The following PCDHGA10 variants were observed in gnomAD, a reference collection of about 807,000 sequenced individuals.
PCDHGA10 encodes protocadherin gamma-A10.
Under a neutral mutation model 59.5 loss-of-function variants are expected in PCDHGA10, and 42 were observed. The observed-to-expected ratio is 0.71, with a 90% CI of 0.55 to 0.91. The LOEUF (loss-of-function observed/expected upper bound fraction) is 0.91, where lower values mean the gene tolerates loss of function less well. Ranked by LOEUF, PCDHGA10 falls within the 40% of genes least tolerant of loss-of-function variation. The pLI is 0.00. For missense variants in PCDHGA10, 1,111 were observed against 1,198.2 expected (o/e 0.93, Z 1.07); for synonymous variants, 511 against 517.2 (o/e 0.99, Z 0.16).
chr5:141,463,574 G>A (rs942457606), intron 1 of PCDHGA10, among the ~76,000 whole-genome samples: 1 of 146,978 alleles, frequency 6.8e-6, no homozygotes, highest in Non-Finnish European at 1.5e-5. Flanking sequence ...TCAGCCTCCC[G>A]AGTAGCTGGG....
chr5:141,459,028 C>T (rs373532898), intron 1 of PCDHGA10, among the ~76,000 whole-genome samples: 1 of 152,202 alleles, frequency 6.6e-6, no homozygotes, highest in Non-Finnish European at 1.5e-5. Context: ...CCACCACATC[C>T]AGCCTTACCA....
intron 1 of PCDHGA10, among the ~76,000 whole-genome samples, chr5:141,458,821 C>T (rs1220034390): frequency 6.6e-6 from 1 of 152,146 alleles, no homozygotes; most frequent in Non-Finnish European, 1.5e-5. Flanking sequence ...CAACCTCTGC[C>T]TCCCAGGCTC....
At position 141,476,668 on chromosome 5, in the gene PCDHGA10, G is replaced by A; in HGVS notation, c.2437-18139G>A. The A allele has an allele frequency of 6.2e-7, 1 of 1,614,262 alleles. No individual in the cohort carries two copies. Among genetic ancestry groups the A allele is most frequent in the Non-Finnish European group, 8.5e-7 (1 of 1,180,054 alleles). On this transcript the variant is annotated intron_variant, in intron 1 of 3. Transcript: ENST00000398610. This position sits in a 1 kb window ranked among gnomAD's most constrained non-coding sequence, Gnocchi z 7.6. ...GAAATGAATACTTTGCGCTTCGCGT[G>A]CAGACGCGGGAGGACAGCACCAAGT...
At chr5:141,427,450 CT>C in intron 1 of PCDHGA10, 1 of 486,442 alleles carries the variant, frequency 2.1e-6, no homozygotes, top group South Asian at 1.5e-5. Flanking sequence ...GAAAGAGTTC[CT>C]TTTAGAATCG....
chr5:141,486,688 C>G lies in PCDHGA10; in HGVS notation c.2437-8119C>G, dbSNP rs748605515. On this transcript the variant is annotated intron_variant, in intron 1 of 3. Coordinates refer to ENST00000398610, the MANE Select transcript of PCDHGA10 (RefSeq NM_018913.3). This position sits in a 1 kb window ranked among gnomAD's most constrained non-coding sequence, Gnocchi z 5.0. ...CCAGGAATCGAGATGTATCAGCTTCCTCTTTCATCTCTCTGAACCCCCAGA... is the reference window on the plus strand; with the variant it reads ...CCAGGAATCGAGATGTATCAGCTTCGTCTTTCATCTCTCTGAACCCCCAGA... The G allele has an allele frequency of 1.2e-6, 2 of 1,614,170 alleles. No homozygotes were observed. The highest frequency in any genetic ancestry group is 8.5e-7 in the Non-Finnish European group (1 of 1,180,044).
In PCDHGA10 at chr5:141,432,272, G is replaced by A. The variant is rs772255343; in HGVS notation, c.2436+16661G>A. On this transcript the variant is annotated intron_variant, in intron 1 of 3. Transcript: ENST00000398610. The surrounding 1 kb of genome is among the most constrained non-coding windows in gnomAD (Gnocchi z 6.0). ...CCAAGGGGCAAGCCTATCGTCCTAC[G>A]TGTCCATCAACTCCGACACTGGGGT... 1 of 1,614,210 alleles carries A rather than the reference G, an allele frequency of 6.2e-7. No individual in the cohort carries two copies. Among genetic ancestry groups the A allele is most frequent in the South Asian group, 1.1e-5 (1 of 91,086 alleles).
chr5:141,462,552 T>A (rs966816379), intron 1 of PCDHGA10, among the ~76,000 whole-genome samples: 1 of 152,194 alleles, frequency 6.6e-6, no homozygotes, highest in Non-Finnish European at 1.5e-5. Context: ...TCTTCTTCAG[T>A]GTTTACTGTA....
At chr5:141,460,122 G>A (rs530307574) in intron 1 of PCDHGA10, among the ~76,000 whole-genome samples, 2 of 151,928 alleles carry the variant, frequency 1.3e-5, no homozygotes, top group African/African-American at 4.8e-5. Flanking sequence ...TTTTATATAT[G>A]TAATATATAT....
Position 141,415,499 on chromosome 5 carries a change from C to G in PCDHGA10, c.2324C>G (p.Pro775Arg), listed in dbSNP as rs2095876120. The change falls in exon 1 of 4, where the codon CCC (proline) becomes CGC (arginine). Residue 775 changes from proline to arginine, a missense_variant. Physicochemically the swap from Pro to Arg is moderately radical, Grantham distance 103. Transcript: ENST00000398610. ...TCGCGAAAGAGTCACCTGATCTTCCCCCAGCCCAATTATGCGGACACGCTC... is the reference window on the plus strand; with the variant it reads ...TCGCGAAAGAGTCACCTGATCTTCCGCCAGCCCAATTATGCGGACACGCTC... ...ADSRKSHLIF[P>R]QPNYADTLIS... 6.2e-7 allele frequency: 1 copy of G among 1,614,098 alleles called. No homozygotes were observed. The highest frequency in any genetic ancestry group is 8.5e-7 in the Non-Finnish European group (1 of 1,180,048).
chr5:141,494,759 C>A (rs776923097), intron 1 of PCDHGA10, 48 bp from the exon 2 acceptor site: 3 of 1,613,886 alleles, frequency 1.9e-6, no homozygotes, highest in Non-Finnish European at 2.5e-6. Context: ...GGGTGACATT[C>A]TAACTTCTCA....
Position 141,486,682 on chromosome 5 carries a change from A to C in PCDHGA10, c.2437-8125A>C, listed in dbSNP as rs781547951. 1.4e-5 allele frequency: 22 copies of C among 1,614,064 alleles called. No individual in the cohort carries two copies. The African/African-American group carries it at 2.3e-4, about 17-fold the overall frequency. ...TGGAGCCCAGGAATCGAGATGTATC[A>C]GCTTCCTCTTTCATCTCTCTGAACC... On this transcript the variant is annotated intron_variant, in intron 1 of 3. Coordinates refer to ENST00000398610, the MANE Select transcript of PCDHGA10 (RefSeq NM_018913.3). The surrounding 1 kb of genome is among the most constrained non-coding windows in gnomAD (Gnocchi z 5.0).
rs1484954022 is a variant in PCDHGA10 at position 141,511,920 on chromosome 5, T to C, written c.*747T>C. 1 of 156,200 alleles carries C rather than the reference T, an allele frequency of 6.4e-6. No individual in the cohort carries two copies. Among genetic ancestry groups the C allele is most frequent in the Non-Finnish European group, 1.4e-5 (1 of 70,262 alleles). The allele number at this position is 156,200 out of a possible 1,614,324, so 9.7% of individuals were successfully genotyped here. The stretch of plus-strand genomic sequence containing the variant: ...CTCCTCCTCAAACAAGAGACTCCAC[T>C]GCATGTTCCAAGACAGTATGGGGTG... On this transcript the variant is annotated 3_prime_UTR_variant, in exon 4 of 4. Coordinates refer to ENST00000398610, the MANE Select transcript of PCDHGA10 (RefSeq NM_018913.3).
intron 1 of PCDHGA10, among the ~76,000 whole-genome samples, chr5:141,461,390 C>T (rs1220034894): frequency 2.0e-5 from 3 of 152,080 alleles, no homozygotes; most frequent in East Asian, 3.9e-4. Context: ...TGATGATTAG[C>T]GATGTTGAGC....
rs2233613 is a variant in PCDHGA10 at position 141,511,203 on chromosome 5, G to A, written c.*30G>A. 0.14 allele frequency: 222,603 copies of A among 1,611,360 alleles called. 15,640 individuals carry two copies. The highest frequency in any genetic ancestry group is 0.18 in the Admixed American group (10,873 of 59,374). ...GAGGCCAGGCCAAGAGCCACAGGGC[G>A]GCCTCTCCCCAACCAGCCCAGCTTC... On this transcript the variant is annotated 3_prime_UTR_variant, in exon 4 of 4. Transcript: ENST00000398610.
At chr5:141,472,807 G>T (rs573078292) in intron 1 of PCDHGA10, among the ~76,000 whole-genome samples, 43 of 151,782 alleles carry the variant, frequency 2.8e-4, no homozygotes, top group African/African-American at 1.0e-3. Flanking sequence ...CCAACATGGA[G>T]AAACCCCCGT....
At chr5:141,492,382 T>C (rs71583650) in intron 1 of PCDHGA10, among the ~76,000 whole-genome samples, 2,103 of 152,322 alleles carry the variant, frequency 0.014, 36 homozygotes, top group African/African-American at 0.031. Flanking sequence ...ACAGGCCTGT[T>C]CCGGTCCACT....
intron 1 of PCDHGA10, among the ~76,000 whole-genome samples, chr5:141,488,348 C>G (rs1231687770): frequency 3.2e-4 from 49 of 152,106 alleles, no homozygotes; most frequent in Admixed American, 3.2e-3. Context: ...TAGAAACAGC[C>G]ACCCTGTGCA....
At position 141,490,356 on chromosome 5, in the gene PCDHGA10, T is replaced by C. The variant is rs771968534; in HGVS notation, c.2437-4451T>C. ...CAGTGGGCACAGTAGTGGGGTTGTT[T>C]AATGTGCGAGACCGGGACTCAGGTA... On this transcript the variant is annotated intron_variant, in intron 1 of 3. Coordinates refer to ENST00000398610, the MANE Select transcript of PCDHGA10 (RefSeq NM_018913.3). The surrounding 1 kb of genome is among the most constrained non-coding windows in gnomAD (Gnocchi z 5.4). 1.4e-5 allele frequency: 23 copies of C among 1,614,084 alleles called. No individual in the cohort carries two copies. Among genetic ancestry groups the C allele is most frequent in the Non-Finnish European group, 1.9e-5 (22 of 1,180,038 alleles).
At chr5:141,434,980 CTA>C in intron 1 of PCDHGA10, among the ~76,000 whole-genome samples, 1 of 151,954 alleles carries the variant, frequency 6.6e-6, no homozygotes, top group East Asian at 1.9e-4. Flanking sequence ...TGTTAATACT[CTA>C]TATCATTTTC....
Sources: allele counts gnomAD v4.1 joint callset (sites outside exome capture counted in the v4.1 genomes callset), GRCh38; gene constraint gnomAD v4.1.1; non-coding constraint Gnocchi (gnomAD v3.1); transcripts MANE v1.5; gene names NCBI Gene and HGNC (gene_info 2026-07-23, HGNC 2026-07-21).